COL28A1: variants seen among roughly 807,000 people sequenced by gnomAD.
COL28A1 encodes collagen alpha-1(XXVIII) chain.
In COL28A1, 161 loss-of-function variants were observed where a neutral mutation model predicts 150.2. The ratio of observed to expected loss-of-function variants is 1.07; its 90% CI spans 0.94 to 1.22. The LOEUF (loss-of-function observed/expected upper bound fraction) is 1.22. Among genes scored for constraint, COL28A1 ranks in the 50% most tolerant of loss-of-function variants. The probability of loss-of-function intolerance (pLI) is 0.00; values close to 1 mark genes in which losing one functional copy is unlikely to be tolerated. For synonymous variants in COL28A1, 552 were observed against 469.7 expected (o/e 1.18, Z -2.26); for missense variants, 1,617 against 1,388.3 (o/e 1.16, Z -2.62).
At chr7:7,396,358 C>G (rs1782836176) in intron 27 of COL28A1, among the ~76,000 whole-genome samples, 1 of 152,174 alleles carries the variant, frequency 6.6e-6, no homozygotes, top group South Asian at 2.1e-4. Flanking sequence ...CAAGGCTTCA[C>G]TAATACTTTC....
intron 15 of COL28A1, among the ~76,000 whole-genome samples, chr7:7,457,417 G>A (rs1787255798): frequency 6.6e-6 from 1 of 152,126 alleles, no homozygotes; most frequent in African/African-American, 2.4e-5. Context: ...AGTTGTCATT[G>A]ACTGAGAAGA....
In COL28A1 at chr7:7,404,958, A is replaced by G. The variant is rs1010059718; in HGVS notation, c.2136+12901T>C. On this transcript the variant is annotated intron_variant, in intron 27 of 34. Coordinates refer to ENST00000399429, the MANE Select transcript of COL28A1 (RefSeq NM_001037763.3). ...GAGTGCAGTGGCATGATCACGACTCACTGCAGCCTCAACCTCCTGGGCTCA... is the reference window on the plus strand; with the variant it reads ...GAGTGCAGTGGCATGATCACGACTCGCTGCAGCCTCAACCTCCTGGGCTCA... 2.6e-5 allele frequency among the ~76,000 whole-genome samples: 4 copies of G among 152,118 alleles called. No homozygotes were observed. The South Asian group carries it at 8.3e-4, about 32-fold the overall frequency.
At chr7:7,495,681 C>A (rs916833523) in intron 11 of COL28A1, among the ~76,000 whole-genome samples, 9 of 152,034 alleles carry the variant, frequency 5.9e-5, no homozygotes, top group Non-Finnish European at 4.4e-5. Context: ...AAATATCTCT[C>A]AAATCCATCC....
chr7:7,458,858 A>C (rs1352013253), intron 15 of COL28A1, among the ~76,000 whole-genome samples: 1 of 152,198 alleles, frequency 6.6e-6, no homozygotes, highest in Non-Finnish European at 1.5e-5. Context: ...TAGTTTGCAA[A>C]TATTTGTTAA....
rs748414888 is a variant in COL28A1 at position 7,520,076 on chromosome 7, GT to G, written c.798del (p.Pro267GlnfsTer39). ...HGNPGIKGER[G>X]PKGNPGNAQK... is the part of the protein sequence containing the mutation. ...TATTCATTTACCGGGTTTCCTTTTGGTCCTCGCTCACCTTTGATACCTGGAT... is the reference window on the plus strand; with the variant it reads ...TATTCATTTACCGGGTTTCCTTTTGGCCTCGCTCACCTTTGATACCTGGAT... On this transcript the variant is annotated frameshift_variant, in exon 6 of 35. Coordinates refer to ENST00000399429, the MANE Select transcript of COL28A1 (RefSeq NM_001037763.3). LOFTEE classifies it high-confidence loss of function. The G allele has an allele frequency of 4.9e-6, 7 of 1,430,476 alleles. No homozygotes were observed. Among genetic ancestry groups the G allele is most frequent in the Non-Finnish European group, 6.9e-6 (7 of 1,013,830 alleles). 88.6% of individuals were successfully genotyped at this position (1,430,476 alleles called of 1,614,324 possible).
chr7:7,387,673 A>G (rs1365875986), intron 27 of COL28A1, among the ~76,000 whole-genome samples: 1 of 152,192 alleles, frequency 6.6e-6, no homozygotes, highest in Non-Finnish European at 1.5e-5. Context: ...ATATATAAAA[A>G]TTCTTTGTAT....
At chr7:7,475,617 T>C (rs1562773993) in intron 14 of COL28A1, among the ~76,000 whole-genome samples, 1 of 152,236 alleles carries the variant, frequency 6.6e-6, no homozygotes, top group African/African-American at 2.4e-5. Flanking sequence ...TACCCTGGAA[T>C]ATTCTTCTTA....
Position 7,442,407 on chromosome 7 carries a change from C to T in COL28A1, c.1650+1178G>A, listed in dbSNP as rs553309509. Reference sequence around the variant, plus strand: ...ACTCCAAGCGCCTATTTTCCAAAAACACATCCTAAAAACAATTCTCCTGAA... The same window carrying T: ...ACTCCAAGCGCCTATTTTCCAAAAATACATCCTAAAAACAATTCTCCTGAA... On this transcript the variant is annotated intron_variant, in intron 20 of 34. Transcript: ENST00000399429. 3.9e-5 allele frequency among the ~76,000 whole-genome samples: 6 copies of T among 152,284 alleles called. No homozygotes were observed. In the East Asian group the frequency reaches 1.2e-3, roughly 29 times the overall value.
intron 13 of COL28A1, among the ~76,000 whole-genome samples, chr7:7,481,029 A>G (rs1789346656): frequency 6.6e-6 from 1 of 152,224 alleles, no homozygotes; most frequent in Non-Finnish European, 1.5e-5. Context: ...TCATTATCCA[A>G]ATTATTTTAC....
At chr7:7,462,415 G>C (rs578164125) in intron 15 of COL28A1, among the ~76,000 whole-genome samples, 12 of 152,346 alleles carry the variant, frequency 7.9e-5, no homozygotes, top group African/African-American at 2.6e-4. Context: ...CAGAAGGTGA[G>C]TTATTAAGCT....
At chr7:7,522,178 G>T (rs900376635) in intron 4 of COL28A1, 6 of 580,174 alleles carry the variant, frequency 1.0e-5, no homozygotes, top group Middle Eastern at 9.2e-4. Flanking sequence ...ATTATTCCAG[G>T]CAAATTTATA....
At chr7:7,451,872 T>G (rs930191158) in intron 18 of COL28A1, among the ~76,000 whole-genome samples, 1 of 152,172 alleles carries the variant, frequency 6.6e-6, no homozygotes, top group Non-Finnish European at 1.5e-5. Flanking sequence ...TATATTCTTC[T>G]AATACTCAAA....
intron 16 of COL28A1, among the ~76,000 whole-genome samples, chr7:7,454,067 A>G (rs937590915): frequency 5.3e-5 from 8 of 152,186 alleles, no homozygotes; most frequent in Non-Finnish European, 2.9e-5. Context: ...GGAGGTTTTT[A>G]TACATGGGTA....
At chr7:7,453,574 A>C in intron 16 of COL28A1, 66 bp from the exon 17 acceptor site, 1 of 808,024 alleles carries the variant, frequency 1.2e-6, no homozygotes, top group Non-Finnish European at 2.1e-6. Context: ...TCTAAAGTGA[A>C]ACTTTAGTTC....
At chr7:7,450,946 CA>C (rs1012827692) in intron 18 of COL28A1, among the ~76,000 whole-genome samples, 2 of 151,556 alleles carry the variant, frequency 1.3e-5, no homozygotes, top group Admixed American at 6.6e-5. Flanking sequence ...TTTAAGGACA[CA>C]AAAAAAGTGA....
chr7:7,542,052 T>G, the COL28A1 span, among the ~76,000 whole-genome samples: 1 of 152,166 alleles, frequency 6.6e-6, no homozygotes, highest in Non-Finnish European at 1.5e-5. Context: ...AAATGCATCA[T>G]AAAGAAAGAA....
At chr7:7,518,470 A>G (rs1781537538) in intron 6 of COL28A1, among the ~76,000 whole-genome samples, 1 of 152,142 alleles carries the variant, frequency 6.6e-6, no homozygotes, top group Non-Finnish European at 1.5e-5. Flanking sequence ...GCTTTTATGC[A>G]TTTAACTTTT....
chr7:7,482,033 G>C (rs1348032787), intron 13 of COL28A1, among the ~76,000 whole-genome samples: 1 of 152,136 alleles, frequency 6.6e-6, no homozygotes, highest in Admixed American at 6.5e-5. Flanking sequence ...ACAGATGACA[G>C]TTCAAAAGTA....
At chr7:7,393,122 G>A (rs1782641890) in intron 27 of COL28A1, among the ~76,000 whole-genome samples, 1 of 152,112 alleles carries the variant, frequency 6.6e-6, no homozygotes, top group Non-Finnish European at 1.5e-5. Flanking sequence ...TTTGATGTTG[G>A]TGATCTTCAG....
Sources: gnomAD v4.1 joint callset for allele counts (sites outside exome capture counted in the v4.1 genomes callset) on GRCh38, gnomAD v4.1.1 for gene constraint, MANE v1.5 for transcripts, NCBI Gene and HGNC (gene_info 2026-07-23, HGNC 2026-07-21) for gene names.